FAM234B: variants seen among roughly 807,000 people sequenced by gnomAD.
FAM234B encodes the protein protein FAM234B.
In FAM234B, 33 loss-of-function variants were observed where a neutral mutation model predicts 69.3. The observed-to-expected ratio is 0.48, with a 90% CI of 0.36 to 0.64. The LOEUF (loss-of-function observed/expected upper bound fraction) is 0.64, where lower values mean the gene tolerates loss of function less well. Among genes scored for constraint, FAM234B ranks in the 30% least tolerant of loss-of-function variants. The pLI is 0.00. For missense variants in FAM234B, 697 were observed against 769.7 expected (o/e 0.91, Z 1.12); for synonymous variants, 306 against 306.9 (o/e 1.00, Z 0.03).
At chr12:13,063,847 G>A (rs116302755) in intron 5 of FAM234B, among the ~76,000 whole-genome samples, 130 of 152,272 alleles carry the variant, frequency 8.5e-4, no homozygotes, top group African/African-American at 3.0e-3. Flanking sequence ...TCAAACAATC[G>A]GCAAAGAATG....
Position 13,072,527 on chromosome 12 carries a change from C to T in FAM234B, c.1524+1131C>T, listed in dbSNP as rs139583744. 1.3e-4 allele frequency among the ~76,000 whole-genome samples: 20 copies of T among 152,090 alleles called. No individual in the cohort carries two copies. The East Asian group carries it at 2.7e-3, about 21-fold the overall frequency. On this transcript the variant is annotated intron_variant, in intron 10 of 12. Transcript: ENST00000197268. ...CAGGAGAATCACAAGGTCAGGAGTT[C>T]GATACCAGCCTGGCCAATGTAGTGA... is the stretch of plus-strand genomic sequence containing the variant.
intron 8 of FAM234B, 25 bp downstream of exon 8, chr12:13,068,472 T>C (rs1045329252): frequency 2.7e-5 from 44 of 1,610,454 alleles, no homozygotes; most frequent in Non-Finnish European, 3.6e-5. Context: ...CCTTCTTGTG[T>C]TTGCTGTTTT....
chr12:13,075,909 T>C, intron 10 of FAM234B, 117 bp from the exon 11 acceptor site: 1 of 783,336 alleles, frequency 1.3e-6, no homozygotes, highest in South Asian at 1.4e-5. Flanking sequence ...GGATCAGGCA[T>C]TAGCATCTGA....
intron 10 of FAM234B, 116 bp downstream of exon 10, chr12:13,071,512 A>G: frequency 2.1e-6 from 2 of 973,622 alleles, no homozygotes; most frequent in Admixed American, 4.8e-5. Flanking sequence ...GTTGGAATAG[A>G]AACAAGTCAG....
At chr12:13,080,526 G>A (rs1865213235) in intron 12 of FAM234B, 99 bp from the exon 13 acceptor site, 6 of 979,630 alleles carry the variant, frequency 6.1e-6, no homozygotes, top group East Asian at 2.5e-5. Flanking sequence ...AGAAAAGGAC[G>A]GGAAAATAGA....
chr12:13,063,101 T>A, intron 5 of FAM234B, 126 bp downstream of exon 5: 1 of 1,144,950 alleles, frequency 8.7e-7, no homozygotes, highest in Non-Finnish European at 1.2e-6. Flanking sequence ...TAGGTTTAAG[T>A]AAATTCTCTT....
chr12:13,047,638 G>T (rs1201426447), intron 1 of FAM234B, among the ~76,000 whole-genome samples: 1 of 152,164 alleles, frequency 6.6e-6, no homozygotes, highest in Non-Finnish European at 1.5e-5. Flanking sequence ...AAGAGGAAAA[G>T]CAATAGCTGT....
At chr12:13,068,024 C>A (rs1045652835) in intron 7 of FAM234B, among the ~76,000 whole-genome samples, 1 of 152,194 alleles carries the variant, frequency 6.6e-6, no homozygotes, top group Non-Finnish European at 1.5e-5. Flanking sequence ...GGCTCTGTTG[C>A]CTTTCCCAGA....
At chr12:13,058,143 G>T (rs550769280) in intron 2 of FAM234B, among the ~76,000 whole-genome samples, 1 of 152,224 alleles carries the variant, frequency 6.6e-6, no homozygotes, top group African/African-American at 2.4e-5. Flanking sequence ...GGCTTTTCCA[G>T]CACCCTATCT....
intron 10 of FAM234B, among the ~76,000 whole-genome samples, chr12:13,072,934 A>G (rs1458205581): frequency 6.6e-6 from 1 of 152,158 alleles, no homozygotes; most frequent in African/African-American, 2.4e-5. Context: ...TTAGGAAACT[A>G]AAGAAAGTCA....
chr12:13,068,419 T>C lies in FAM234B; in HGVS notation c.1258T>C (p.Trp420Arg). The C allele has an allele frequency of 6.2e-7, 1 of 1,614,214 alleles. No homozygotes were observed. Among genetic ancestry groups the C allele is most frequent in the Non-Finnish European group, 8.5e-7 (1 of 1,180,032 alleles). ...TCGGGGGCAAAATCTGACACCTTACTGGGCATTGAGACTTCAAGGCCTGCG... is the reference window on the plus strand; with the variant it reads ...TCGGGGGCAAAATCTGACACCTTACCGGGCATTGAGACTTCAAGGCCTGCG... ...LLRGQNLTPY[W>R]ALRLQGLRSQ... Residue 420 changes from tryptophan (W) to arginine (R), a missense_variant, in exon 8 of 13, where the codon TGG becomes CGG. Transcript: ENST00000197268.
rs947348183 is a variant in FAM234B, at chr12:13,062,980, G to C, written c.852+5G>C. The stretch of plus-strand genomic sequence containing the variant: ...CTGGCCATTGGGGAATTGCAGGTAT[G>C]ATCTCTATTAAATGTTTTTTGTTTC... On this transcript the variant is annotated splice_donor_5th_base_variant and intron_variant, in intron 5 of 12. Transcript: ENST00000197268. The C allele has an allele frequency of 2.5e-6, 4 of 1,613,572 alleles. No individual in the cohort carries two copies.
At chr12:13,075,049 G>A (rs183970197) in intron 10 of FAM234B, among the ~76,000 whole-genome samples, 79 of 152,232 alleles carry the variant, frequency 5.2e-4, no homozygotes, top group African/African-American at 1.9e-3. Flanking sequence ...CAAGTCTCAA[G>A]TCCCATCCCC....
chr12:13,054,372 G>A (rs1864907596), intron 1 of FAM234B, among the ~76,000 whole-genome samples: 1 of 152,166 alleles, frequency 6.6e-6, no homozygotes, highest in Non-Finnish European at 1.5e-5. Context: ...TTCTGCCGTG[G>A]TTCCAGCTGG....
At chr12:13,055,038 A>G (rs747205905) in intron 1 of FAM234B, among the ~76,000 whole-genome samples, 5 of 152,226 alleles carry the variant, frequency 3.3e-5, no homozygotes, top group South Asian at 2.1e-4. Flanking sequence ...TCAGTGTTCA[A>G]CTTTCTAAGT....
chr12:13,060,523 C>T (rs1864973088), intron 3 of FAM234B, among the ~76,000 whole-genome samples: 1 of 152,158 alleles, frequency 6.6e-6, no homozygotes, highest in Admixed American at 6.5e-5. Context: ...GTAGGAAGAA[C>T]CACACAGGAT....
chr12:13,080,003 C>T lies in FAM234B; in HGVS notation c.1857C>T (p.Pro619=). ...FLSRIKFVEA[P]YEI ...CTAGGATAAAGTTTGTTGAAGCTCC[C>T]TACGAGGTGAGTGGCTGCAGAAATA... The change falls in exon 12 of 13, where the codon CCC becomes CCT. Residue 619 remains proline, a synonymous_variant. Coordinates refer to ENST00000197268, the MANE Select transcript of FAM234B (RefSeq NM_020853.2). 1 of 1,590,312 alleles carries T rather than the reference C, an allele frequency of 6.3e-7. No homozygotes were observed. The highest frequency in any genetic ancestry group is 8.6e-7 in the Non-Finnish European group (1 of 1,166,630).
chr12:13,067,876 G>A lies in FAM234B; in HGVS notation c.1143-428G>A, dbSNP rs1205997866. On this transcript the variant is annotated intron_variant, in intron 7 of 12. Transcript: ENST00000197268. The surrounding 1 kb of genome is among the most constrained non-coding windows in gnomAD (Gnocchi z 4.7). ...CATGGTGTTTTGGTGACTTTGACAG[G>A]TATGAAGTAGAATGGTCCCAGTGGC... is the stretch of plus-strand genomic sequence containing the variant. Among the ~76,000 whole-genome samples the A allele has an allele frequency of 1.3e-5, 2 of 152,118 alleles. No homozygotes were observed. The highest frequency in any genetic ancestry group is 1.3e-4 in the Admixed American group (2 of 15,270).
intron 5 of FAM234B, among the ~76,000 whole-genome samples, chr12:13,065,546 C>G (rs1024263650): frequency 6.6e-6 from 1 of 152,176 alleles, no homozygotes; most frequent in African/African-American, 2.4e-5. Context: ...TTGTAATCAG[C>G]TAAAGTACCT....
Sources: gnomAD v4.1 joint callset for allele counts (sites outside exome capture counted in the v4.1 genomes callset) on GRCh38, gnomAD v4.1.1 for gene constraint, Gnocchi (gnomAD v3.1) non-coding constraint, MANE v1.5 for transcripts, NCBI Gene and HGNC (gene_info 2026-07-23, HGNC 2026-07-21) for gene names.